The following CLNS1A variants were observed in gnomAD, a reference collection of about 807,000 sequenced individuals.
CLNS1A encodes chloride nucleotide-sensitive channel 1A.
CLNS1A carries 16 observed loss-of-function variants against 29.4 expected under a neutral mutation model. The observed-to-expected ratio is 0.54, with a 90% CI of 0.37 to 0.83. The LOEUF (loss-of-function observed/expected upper bound fraction) is 0.83. Ranked by LOEUF, CLNS1A falls within the 40% of genes least tolerant of loss-of-function variation. The pLI, the probability that CLNS1A is intolerant of heterozygous loss-of-function variation, is 0.00. For synonymous variants in CLNS1A, 96 were observed against 104.8 expected (o/e 0.92, Z 0.51); for missense variants, 235 against 287.4 (o/e 0.82, Z 1.32).
intron 5 of CLNS1A, among the ~76,000 whole-genome samples, chr11:77,621,592 A>G (rs1281022977): frequency 1.3e-5 from 2 of 152,174 alleles, no homozygotes; most frequent in African/African-American, 4.8e-5. Flanking sequence ...GTAGTGAGCC[A>G]AGATCGTGCC....
In CLNS1A at chr11:77,624,967, T is replaced by C. The variant is rs1464595628; in HGVS notation, c.468A>G (p.Ala156=). 5 of 1,599,878 alleles carry C rather than the reference T, an allele frequency of 3.1e-6. No homozygotes were observed. The highest frequency in any genetic ancestry group is 4.3e-6 in the Non-Finnish European group (5 of 1,170,376). Residue 156 remains alanine, a synonymous_variant, in exon 4 of 7, where the codon GCA becomes GCG. Coordinates refer to ENST00000525428, the MANE Select transcript of CLNS1A (RefSeq NM_001293.3). The stretch of plus-strand genomic sequence containing the variant: ...TTTAAAATCCATTTCACTAACCATG[T>C]GCTTCCACATCATATTCTTCTCCAT... The part of the protein sequence containing the change: ...DYDGEEYDVE[A]HEQGQGDIPT...
At chr11:77,637,254 A>AAAAAAAAG (rs1255397759) in intron 1 of CLNS1A, among the ~76,000 whole-genome samples, 6 of 147,240 alleles carry the variant, frequency 4.1e-5, no homozygotes, top group African/African-American at 5.0e-5. Context: ...AAAAAAAAAA[A>AAAAAAAAG]AAAAAGAAAA....
At chr11:77,629,426 C>CT (rs2135772715) in intron 2 of CLNS1A, among the ~76,000 whole-genome samples, 1 of 150,346 alleles carries the variant, frequency 6.7e-6, no homozygotes, top group Non-Finnish European at 1.5e-5. Context: ...CGGAGTCTCA[C>CT]TTTGTCGCCC....
At chr11:77,637,465 C>T in intron 1 of CLNS1A, 125 bp downstream of exon 1, 2 of 1,273,962 alleles carry the variant, frequency 1.6e-6, no homozygotes, top group Non-Finnish European at 2.1e-6. Context: ...CCTGAGGCGT[C>T]GGGCACGAGA....
intron 1 of CLNS1A, among the ~76,000 whole-genome samples, chr11:77,636,084 T>A (rs536536160): frequency 7.9e-5 from 12 of 152,264 alleles, no homozygotes; most frequent in East Asian, 1.9e-4. Flanking sequence ...TTTTATTTTT[T>A]TTTTGAGACA....
chr11:77,622,997 A>T (rs1033174015), intron 4 of CLNS1A, among the ~76,000 whole-genome samples: 32 of 151,992 alleles, frequency 2.1e-4, no homozygotes, highest in African/African-American at 7.2e-4. Flanking sequence ...TACTGTCCAA[A>T]TAGGCTTCCA....
intron 2 of CLNS1A, among the ~76,000 whole-genome samples, chr11:77,627,918 C>G (rs968628243): frequency 1.3e-5 from 2 of 152,118 alleles, no homozygotes; most frequent in African/African-American, 4.8e-5. Context: ...CTCCACCTCC[C>G]GGGTTCAAGT....
chr11:77,619,016 G>A (rs1196900793), intron 6 of CLNS1A, among the ~76,000 whole-genome samples: 2 of 152,328 alleles, frequency 1.3e-5, no homozygotes, highest in African/African-American at 2.4e-5. Flanking sequence ...GGAAGTTGTA[G>A]TGGGGAGACA....
intron 1 of CLNS1A, among the ~76,000 whole-genome samples, chr11:77,633,018 C>T (rs780613666): frequency 3.1e-4 from 42 of 137,318 alleles, no homozygotes; most frequent in Non-Finnish European, 4.8e-4. Context: ...ATCCAGGAGG[C>T]GGAGGTTGCA....
At chr11:77,622,987 T>C (rs1293946326) in intron 4 of CLNS1A, among the ~76,000 whole-genome samples, 1 of 148,612 alleles carries the variant, frequency 6.7e-6, no homozygotes, top group East Asian at 2.0e-4. Context: ...GAAGATAATA[T>C]ACTGTCCAAA....
rs149754882 is a variant in CLNS1A, at chr11:77,635,718, T to C, written c.125+1872A>G. On this transcript the variant is annotated intron_variant, in intron 1 of 6. Coordinates refer to ENST00000525428, the MANE Select transcript of CLNS1A (RefSeq NM_001293.3). ...TGTCCCTCAAAAGGAGTTATAATAC[T>C]GAAAGAAGCGTCAACATACAGAAAT... Among the ~76,000 whole-genome samples the C allele has an allele frequency of 1.4e-3, 210 of 152,264 alleles. 1 individual carries two copies. The highest frequency in any genetic ancestry group is 3.4e-3 in the African/African-American group (140 of 41,542).
intron 6 of CLNS1A, among the ~76,000 whole-genome samples, chr11:77,617,628 A>G (rs1340449490): frequency 6.6e-6 from 1 of 151,954 alleles, no homozygotes; most frequent in Non-Finnish European, 1.5e-5. Flanking sequence ...CATAATGTTT[A>G]TACATTATAA....
intron 4 of CLNS1A, among the ~76,000 whole-genome samples, chr11:77,624,080 T>C (rs1958990768): frequency 6.6e-6 from 1 of 152,156 alleles, no homozygotes; most frequent in Non-Finnish European, 1.5e-5. Context: ...TTGGGCAATA[T>C]GGCAAAGCCC....
intron 5 of CLNS1A, among the ~76,000 whole-genome samples, chr11:77,620,345 T>G (rs1217049941): frequency 6.6e-6 from 1 of 152,184 alleles, no homozygotes; most frequent in East Asian, 1.9e-4. Context: ...CTGCCTTCCA[T>G]GTAAGATGTG....
intron 6 of CLNS1A, among the ~76,000 whole-genome samples, chr11:77,619,099 T>C (rs1958931962): frequency 1.3e-5 from 2 of 152,224 alleles, no homozygotes; most frequent in Admixed American, 6.5e-5. Context: ...GATATGAACA[T>C]GACCTTCAGT....
At chr11:77,618,827 A>G (rs1958929350) in intron 6 of CLNS1A, 1 of 152,254 alleles carries the variant, frequency 6.6e-6, no homozygotes, top group African/African-American at 2.4e-5. Flanking sequence ...ATTGCAGGGA[A>G]TAACAAAGGA....
At chr11:77,626,288 G>T (rs551880679) in intron 2 of CLNS1A, among the ~76,000 whole-genome samples, 175 of 152,152 alleles carry the variant, frequency 1.2e-3, no homozygotes, top group Non-Finnish European at 2.1e-3. Context: ...TTACGATGTT[G>T]CCCAGGCTGG....
At chr11:77,622,305 TTTTTTGGTA>T (rs1422114876) in intron 5 of CLNS1A, among the ~76,000 whole-genome samples, 186 bp downstream of exon 5, 1 of 152,182 alleles carries the variant, frequency 6.6e-6, no homozygotes, top group Non-Finnish European at 1.5e-5. Context: ...GAACAAAGAC[TTTTTTGGTA>T]ATGAGGAAAA....
chr11:77,623,780 T>C (rs568664709), intron 4 of CLNS1A, among the ~76,000 whole-genome samples: 1 of 152,292 alleles, frequency 6.6e-6, no homozygotes, highest in South Asian at 2.1e-4. Flanking sequence ...GATACCCAGA[T>C]TGGTGTACAT....
Sources: gnomAD v4.1 joint callset for allele counts (sites outside exome capture counted in the v4.1 genomes callset) on GRCh38, gnomAD v4.1.1 for gene constraint, MANE v1.5 for transcripts, NCBI Gene and HGNC (gene_info 2026-07-23, HGNC 2026-07-21) for gene names.